PGLYRP3: variants seen among roughly 807,000 people sequenced by gnomAD.
The protein encoded by PGLYRP3 is peptidoglycan recognition protein I alpha.
In PGLYRP3, 39 loss-of-function variants were observed where a neutral mutation model predicts 36.0. That is an observed-to-expected ratio of 1.08 (90% CI 0.84 to 1.41). The LOEUF (loss-of-function observed/expected upper bound fraction) is 1.41. Ranked by LOEUF, PGLYRP3 falls within the 40% of genes most tolerant of loss-of-function variation. PGLYRP3 has a pLI of 0.00. For synonymous variants in PGLYRP3, 204 were observed against 172.8 expected, an observed-to-expected ratio of 1.18 and a Z score of -1.42; for missense variants, 407 against 427.9, an observed-to-expected ratio of 0.95 and a Z score of 0.43.
chr1:153,302,868 G>A (rs1168009793), intron 5 of PGLYRP3, among the ~76,000 whole-genome samples: 1 of 152,198 alleles, frequency 6.6e-6, no homozygotes, highest in Admixed American at 6.5e-5. Context: ...GAAGGGAAAG[G>A]GCTGTGGGTT....
intron 4 of PGLYRP3, 97 bp downstream of exon 4, chr1:153,304,850 A>G: frequency 1.2e-6 from 1 of 862,610 alleles, no homozygotes; most frequent in East Asian, 2.6e-5. Flanking sequence ...GAAGGTAAGT[A>G]TGATGTAGGG....
At chr1:153,305,957 T>C (rs558426733) in intron 3 of PGLYRP3, among the ~76,000 whole-genome samples, 2 of 152,348 alleles carry the variant, frequency 1.3e-5, no homozygotes, top group Admixed American at 6.5e-5. Context: ...GATTGTCAAG[T>C]TGTCACTGTA....
At chr1:153,303,707 C>T in intron 5 of PGLYRP3, 150 bp downstream of exon 5, 1 of 929,010 alleles carries the variant, frequency 1.1e-6, no homozygotes, top group Non-Finnish European at 1.6e-6. Flanking sequence ...AAGATGCCCT[C>T]TCAGAATTTT....
In PGLYRP3 at chr1:153,299,126, G is replaced by A. The variant is rs141004581; in HGVS notation, c.834C>T (p.Ile278=). 382 of 1,613,898 alleles carry A rather than the reference G, an allele frequency of 2.4e-4. 5 individuals carry two copies. In the South Asian group the frequency reaches 2.7e-3, roughly 11 times the overall value. The change falls in exon 7 of 8, where the codon ATC becomes ATT. Residue 278 remains isoleucine (I), a synonymous_variant. Transcript: ENST00000683862. ...CTCACCCCTTACCTACAAAGTAGCC[G>A]ATGAAGGCAATTCCTAGGGCAATAT... ...FNDIALGIAF[I]GYFVEKPPNA...
Position 153,304,015 on chromosome 1 carries a change from A to G in PGLYRP3, c.377-6T>C. On this transcript the variant is annotated splice_region_variant and splice_polypyrimidine_tract_variant and intron_variant, in intron 4 of 7. Coordinates refer to ENST00000683862, the MANE Select transcript of PGLYRP3 (RefSeq NM_052891.3). ...AGCAGGGCTGGGACTGCTGCCTTAA[A>G]GAGGAGGACAGGGAGCACAAAAATG... 1 of 1,609,862 alleles carries G rather than the reference A, an allele frequency of 6.2e-7. No individual in the cohort carries two copies. Among genetic ancestry groups the G allele is most frequent in the Non-Finnish European group, 8.5e-7 (1 of 1,176,952 alleles).
rs1428360198 is a variant in PGLYRP3, at chr1:153,297,348, A to G, written c.*608T>C. The stretch of plus-strand genomic sequence containing the variant: ...TGTACCAGTCCATGTGTGAGCAGAG[A>G]GGGGGGGTGGGCACACTGACCTAGG... On this transcript the variant is annotated 3_prime_UTR_variant, in exon 8 of 8. Coordinates refer to ENST00000683862, the MANE Select transcript of PGLYRP3 (RefSeq NM_052891.3). Among the ~76,000 whole-genome samples the G allele has an allele frequency of 2.3e-5, 3 of 128,350 alleles. No individual in the cohort carries two copies. Among genetic ancestry groups the G allele is most frequent in the East Asian group, 2.9e-4 (1 of 3,508 alleles). 84.2% of individuals were successfully genotyped at this position (128,350 alleles called of 152,430 possible).
At chr1:153,307,008 G>T in intron 3 of PGLYRP3, 58 bp downstream of exon 3, 1 of 1,542,860 alleles carries the variant, frequency 6.5e-7, no homozygotes, top group Non-Finnish European at 8.9e-7. Context: ...AGAAGGGGAA[G>T]TGGGAAGCAC....
chr1:153,307,352 C>T, intron 2 of PGLYRP3, 85 bp from the exon 3 acceptor site: 29 of 1,354,014 alleles, frequency 2.1e-5, no homozygotes, highest in Non-Finnish European at 2.9e-5. Flanking sequence ...ACCTCTCATG[C>T]TCAGGCCCGA....
At chr1:153,304,051 A>G in intron 4 of PGLYRP3, 42 bp from the exon 5 acceptor site, 2 of 1,576,330 alleles carry the variant, frequency 1.3e-6, no homozygotes, top group South Asian at 2.3e-5. Flanking sequence ...TCAGTAAGAA[A>G]CTCCACCTAG....
In PGLYRP3 at chr1:153,303,535, G is replaced by C. The variant is rs140498252; in HGVS notation, c.529+322C>G. On this transcript the variant is annotated intron_variant, in intron 5 of 7. Coordinates refer to ENST00000683862, the MANE Select transcript of PGLYRP3 (RefSeq NM_052891.3). ...GAAGTGCAAGCTTCCTGAAGGTGAA[G>C]AGTTTCATCTGTTTTGTTCACAGCT... Among the ~76,000 whole-genome samples, 397 of 152,344 alleles carry C rather than the reference G, an allele frequency of 2.6e-3. 2 individuals are homozygous for C. Among genetic ancestry groups the C allele is most frequent in the African/African-American group, 9.4e-3 (389 of 41,576 alleles).
chr1:153,305,179 T>C (rs1223965229), intron 3 of PGLYRP3, 114 bp from the exon 4 acceptor site: 1 of 754,100 alleles, frequency 1.3e-6, no homozygotes, highest in Non-Finnish European at 2.2e-6. Context: ...TATGTTCCAA[T>C]AACAAAACAA....
chr1:153,297,836 C>T lies in PGLYRP3; in HGVS notation c.*120G>A. 1.7e-6 allele frequency: 2 copies of T among 1,195,028 alleles called. No homozygotes were observed. Among genetic ancestry groups the T allele is most frequent in the East Asian group, 4.8e-5 (2 of 41,762 alleles). 74.0% of individuals were successfully genotyped at this position (1,195,028 alleles called of 1,614,324 possible). The stretch of plus-strand genomic sequence containing the variant: ...GCAGGAAAGGACATGACCATTCAAA[C>T]CTGAGAAAGGATGGGCTGGCAGGGG... On this transcript the variant is annotated 3_prime_UTR_variant, in exon 8 of 8. Coordinates refer to ENST00000683862, the MANE Select transcript of PGLYRP3 (RefSeq NM_052891.3).
chr1:153,304,978 G>A lies in PGLYRP3; in HGVS notation c.345C>T (p.Ser115=), dbSNP rs1339454752. 3 of 1,613,886 alleles carry A rather than the reference G, an allele frequency of 1.9e-6. No homozygotes were observed. The highest frequency in any genetic ancestry group is 2.5e-6 in the Non-Finnish European group (3 of 1,179,862). The change falls in exon 4 of 8, where the codon TCC becomes TCT. Residue 115 remains serine, a synonymous_variant. Coordinates refer to ENST00000683862, the MANE Select transcript of PGLYRP3 (RefSeq NM_052891.3). The part of the protein sequence containing the change: ...GLHTQGYNNI[S]LGIAFFGNKI... ...TATTGCCAAAGAAGGCGATGCCCAG[G>A]GAAATGTTGTTGTAGCCCTGGGTGT...
intron 3 of PGLYRP3, among the ~76,000 whole-genome samples, chr1:153,306,530 T>C (rs1659741852): frequency 6.6e-6 from 1 of 152,158 alleles, no homozygotes; most frequent in Admixed American, 6.5e-5. Flanking sequence ...TCTTTCAGGG[T>C]AACAAGTGGG....
chr1:153,304,656 C>A (rs1659690727), intron 4 of PGLYRP3, among the ~76,000 whole-genome samples: 1 of 152,216 alleles, frequency 6.6e-6, no homozygotes. Context: ...GCAGTCACAG[C>A]ATCTATGTCA....
chr1:153,306,169 T>C (rs981558718), intron 3 of PGLYRP3, among the ~76,000 whole-genome samples: 1 of 152,238 alleles, frequency 6.6e-6, no homozygotes, highest in African/African-American at 2.4e-5. Flanking sequence ...AACCAGGGCC[T>C]GCAGCTGCTC....
At chr1:153,303,384 T>C (rs950920148) in intron 5 of PGLYRP3, among the ~76,000 whole-genome samples, 3 of 152,246 alleles carry the variant, frequency 2.0e-5, no homozygotes, top group African/African-American at 7.2e-5. Flanking sequence ...CCCCACATAA[T>C]AGACACAACT....
rs756023140 is a variant in PGLYRP3 at position 153,304,931 on chromosome 1, A to G, written c.376+16T>C. On this transcript the variant is annotated intron_variant, in intron 4 of 7. Transcript: ENST00000683862. ...CACAACTCTCCAGCACAGGGTCCGC[A>G]GGGAGTGACCCTTACCTATCTTATT... 2 of 1,593,188 alleles carry G rather than the reference A, an allele frequency of 1.3e-6. No individual in the cohort carries two copies. Among genetic ancestry groups the G allele is most frequent in the African/African-American group, 2.7e-5 (2 of 74,522 alleles).
chr1:153,307,131 G>A lies in PGLYRP3; in HGVS notation c.192C>T (p.Ser64=), dbSNP rs899414648. 3 of 1,613,096 alleles carry A rather than the reference G, an allele frequency of 1.9e-6. No individual in the cohort carries two copies. Among genetic ancestry groups the A allele is most frequent in the African/African-American group, 2.7e-5 (2 of 74,910 alleles). Residue 64 remains serine (S), a synonymous_variant, in exon 3 of 8, where the codon AGC becomes AGT. Coordinates refer to ENST00000683862, the MANE Select transcript of PGLYRP3 (RefSeq NM_052891.3). ...GGGACTGCAACCCCCGCAGCATCTGGCTGCAAACGCTCTGCTGCTGGCACT... is the reference window on the plus strand; with the variant it reads ...GGGACTGCAACCCCCGCAGCATCTGACTGCAAACGCTCTGCTGCTGGCACT... ...GMQCQQQSVC[S]QMLRGLQSHS...
Sources: allele counts gnomAD v4.1 joint callset (sites outside exome capture counted in the v4.1 genomes callset), GRCh38; gene constraint gnomAD v4.1.1; transcripts MANE v1.5; gene names NCBI Gene and HGNC (gene_info 2026-07-23, HGNC 2026-07-21).